Variants in GNG12 observed in about 807,000 individuals in gnomAD.
GNG12 encodes the protein G protein subunit gamma 12, also known as guanine nucleotide-binding protein G(I)/G(S)/G(O) subunit gamma-12.
For synonymous variants in GNG12, 28 were observed against 29.7 expected (o/e 0.94, Z 0.19); for missense variants, 69 against 83.8 (o/e 0.82, Z 0.69).
At chr1:67,747,374 C>G (rs111628545) in intron 2 of GNG12, among the ~76,000 whole-genome samples, 1 of 152,150 alleles carries the variant, frequency 6.6e-6, no homozygotes, top group Non-Finnish European at 1.5e-5. Flanking sequence ...CCCGCCTCAG[C>G]CTCTGGAAGT....
At chr1:67,799,574 T>G (rs1340838920) in intron 1 of GNG12, among the ~76,000 whole-genome samples, 1 of 152,242 alleles carries the variant, frequency 6.6e-6, no homozygotes, top group African/African-American at 2.4e-5. Flanking sequence ...CAACTAGAAC[T>G]GTTTACAGAT....
intron 2 of GNG12, among the ~76,000 whole-genome samples, chr1:67,750,446 A>AACGAGGTGC (rs1471782134): frequency 6.6e-6 from 1 of 152,074 alleles, no homozygotes; most frequent in East Asian, 1.9e-4. Context: ...TTCTCTCTCC[A>AACGAGGTGC]ACGAGGTGCA....
chr1:67,728,411 G>A (rs550561758), intron 2 of GNG12, among the ~76,000 whole-genome samples: 42 of 152,200 alleles, frequency 2.8e-4, no homozygotes, highest in African/African-American at 9.6e-4. Context: ...CAGCTTCCTC[G>A]TCCCCAACAA....
intron 1 of GNG12, among the ~76,000 whole-genome samples, chr1:67,801,458 T>C (rs936310924): frequency 1.3e-5 from 2 of 152,220 alleles, no homozygotes; most frequent in African/African-American, 4.8e-5. Flanking sequence ...CCCTACATGC[T>C]GATTTCTTCA....
chr1:67,825,529 A>G (rs570179505), intron 1 of GNG12, among the ~76,000 whole-genome samples: 14 of 152,330 alleles, frequency 9.2e-5, no homozygotes, highest in African/African-American at 3.4e-4. Flanking sequence ...AACTTAAAAA[A>G]GCAAGAAAGT....
intron 1 of GNG12, among the ~76,000 whole-genome samples, chr1:67,811,453 T>A (rs564955953): frequency 6.6e-6 from 1 of 152,262 alleles, no homozygotes; most frequent in Admixed American, 6.5e-5. Context: ...AGGCAAACCC[T>A]GCTGCGGTAA....
intron 2 of GNG12, among the ~76,000 whole-genome samples, chr1:67,749,051 G>C (rs1646523634): frequency 6.6e-6 from 1 of 152,148 alleles, no homozygotes; most frequent in African/African-American, 2.4e-5. Flanking sequence ...TGGAGGGGAG[G>C]AGGTGGGGAA....
chr1:67,763,606 C>A (rs556885459), intron 2 of GNG12, among the ~76,000 whole-genome samples: 1 of 151,962 alleles, frequency 6.6e-6, no homozygotes, highest in African/African-American at 2.4e-5. Flanking sequence ...AATCACATAG[C>A]TCTACAGCCT....
chr1:67,736,554 G>A (rs551352756), intron 2 of GNG12, among the ~76,000 whole-genome samples: 2 of 152,254 alleles, frequency 1.3e-5, no homozygotes, highest in East Asian at 3.9e-4. Context: ...GTGAGTAATG[G>A]AGTCACCAGG....
chr1:67,744,142 C>A (rs768695249), intron 2 of GNG12, among the ~76,000 whole-genome samples: 7 of 152,192 alleles, frequency 4.6e-5, no homozygotes, highest in Non-Finnish European at 8.8e-5. Context: ...ATTTAATCTT[C>A]ACACTAACCC....
chr1:67,793,647 T>C (rs552534257), intron 1 of GNG12, among the ~76,000 whole-genome samples: 5 of 152,320 alleles, frequency 3.3e-5, no homozygotes, highest in African/African-American at 1.2e-4. Context: ...TGCAAGTGGC[T>C]TTCTTCCGCT....
chr1:67,769,474 A>T (rs1168399949), intron 2 of GNG12, among the ~76,000 whole-genome samples: 1 of 152,218 alleles, frequency 6.6e-6, no homozygotes, highest in Non-Finnish European at 1.5e-5. Flanking sequence ...TTGAATTTGC[A>T]GAGTTCATAA....
chr1:67,787,993 T>C (rs1308764105), intron 1 of GNG12, among the ~76,000 whole-genome samples: 1 of 152,180 alleles, frequency 6.6e-6, no homozygotes, highest in African/African-American at 2.4e-5. Context: ...GCACATGAAG[T>C]GGGCAATGGG....
At chr1:67,793,277 T>C (rs939304834) in intron 1 of GNG12, among the ~76,000 whole-genome samples, 3 of 152,202 alleles carry the variant, frequency 2.0e-5, no homozygotes, top group Non-Finnish European at 4.4e-5. Flanking sequence ...ACATTAGTGA[T>C]AACATAAATA....
At chr1:67,800,831 T>C (rs1646860303) in intron 1 of GNG12, among the ~76,000 whole-genome samples, 1 of 150,176 alleles carries the variant, frequency 6.7e-6, no homozygotes, top group Non-Finnish European at 1.5e-5. Context: ...ATTTTAAACT[T>C]GACCTTGTGA....
chr1:67,737,047 G>C (rs753377931), intron 2 of GNG12, among the ~76,000 whole-genome samples: 5 of 152,224 alleles, frequency 3.3e-5, no homozygotes, highest in Admixed American at 6.5e-5. Context: ...TGGATATTCA[G>C]ATGTGTCCAC....
chr1:67,804,153 T>C (rs552319414), intron 1 of GNG12, among the ~76,000 whole-genome samples: 368 of 152,326 alleles, frequency 2.4e-3, no homozygotes, highest in Non-Finnish European at 4.0e-3. Context: ...GCCCTGCAGC[T>C]GAGGTCACAT....
intron 2 of GNG12, among the ~76,000 whole-genome samples, chr1:67,720,855 T>C (rs1646352687): frequency 6.6e-6 from 1 of 152,248 alleles, no homozygotes; most frequent in Non-Finnish European, 1.5e-5. Flanking sequence ...TAGACATGAT[T>C]ATGCTTATAT....
At chr1:67,730,378 G>A (rs898236552) in intron 2 of GNG12, among the ~76,000 whole-genome samples, 3 of 152,154 alleles carry the variant, frequency 2.0e-5, no homozygotes, top group African/African-American at 7.2e-5. Flanking sequence ...GTGCACATCT[G>A]TAGTTCCAGC....
Sources: gnomAD v4.1 joint callset for allele counts (sites outside exome capture counted in the v4.1 genomes callset) on GRCh38, gnomAD v4.1.1 for gene constraint, MANE v1.5 for transcripts, NCBI Gene and HGNC (gene_info 2026-07-23, HGNC 2026-07-21) for gene names.